Variants in GDAP1 observed in about 807,000 individuals in gnomAD.
GDAP1 encodes ganglioside-induced differentiation-associated protein 1.
Under a neutral mutation model 40.1 loss-of-function variants are expected in GDAP1, and 34 were observed. The observed-to-expected ratio is 0.85, with a 90% CI of 0.64 to 1.13. GDAP1 has a LOEUF of 1.13. GDAP1 is among the 50% of genes most tolerant of loss of function. GDAP1 has a pLI of 0.00. For missense variants in GDAP1, 374 were observed against 433.7 expected (o/e 0.86, Z 1.22); for synonymous variants, 170 against 157.4 (o/e 1.08, Z -0.60).
intron 2 of GDAP1, among the ~76,000 whole-genome samples, chr8:74,469,522 G>T (rs1806517514): frequency 6.6e-6 from 1 of 151,866 alleles, no homozygotes; most frequent in Non-Finnish European, 1.5e-5. Flanking sequence ...CAAAAAATTA[G>T]CCGGGCGCGG....
intron 2 of GDAP1, among the ~76,000 whole-genome samples, chr8:74,356,682 G>T (rs1217844675): frequency 1.4e-5 from 2 of 138,548 alleles, no homozygotes; most frequent in East Asian, 2.0e-4. Context: ...GTGTGTGTGT[G>T]TGTGTGTGTT....
At chr8:74,468,144 A>T (rs1027325243) in intron 2 of GDAP1, among the ~76,000 whole-genome samples, 2 of 151,998 alleles carry the variant, frequency 1.3e-5, no homozygotes, top group African/African-American at 4.8e-5. Context: ...ATTTACATAC[A>T]AGCACCATAC....
chr8:74,365,238 G>A lies in GDAP1; in HGVS notation c.*871G>A. On this transcript the variant is annotated 3_prime_UTR_variant, in exon 6 of 6. Coordinates refer to ENST00000220822, the MANE Select transcript of GDAP1 (RefSeq NM_018972.4). ...TGTTCATTCTTCGTTTGGGGAGGCT[G>A]GTCTGTAAACACAAAAATTGTTGTC... is the stretch of plus-strand genomic sequence containing the variant. The A allele has an allele frequency of 2.2e-6, 1 of 453,992 alleles. No individual in the cohort carries two copies. The highest frequency in any genetic ancestry group is 2.0e-5 in the African/African-American group (1 of 50,072). 28.1% of individuals were successfully genotyped at this position (453,992 alleles called of 1,614,324 possible).
intron 2 of GDAP1, among the ~76,000 whole-genome samples, chr8:74,382,356 A>G (rs1809966924): frequency 1.4e-5 from 2 of 142,596 alleles, no homozygotes; most frequent in African/African-American, 5.2e-5. Flanking sequence ...AAATTATAGG[A>G]AGTTTCCTCA....
At position 74,365,566 on chromosome 8, in the gene GDAP1, C is replaced by A. The variant is rs191835771; in HGVS notation, c.*1199C>A. On this transcript the variant is annotated 3_prime_UTR_variant, in exon 6 of 6. Coordinates refer to ENST00000220822, the MANE Select transcript of GDAP1 (RefSeq NM_018972.4). ...GCCATGAAGGCCTTAGAAGCCATTT[C>A]TGGTGTCTGGTGGGTAGCAGGCATA... 5.7e-5 allele frequency: 26 copies of A among 454,372 alleles called. No homozygotes were observed. Among genetic ancestry groups the A allele is most frequent in the Middle Eastern group, 1.4e-3 (2 of 1,444 alleles). 28.1% of individuals were successfully genotyped at this position (454,372 alleles called of 1,614,324 possible).
intron 2 of GDAP1, among the ~76,000 whole-genome samples, chr8:74,410,666 A>G (rs1000706005): frequency 6.7e-6 from 1 of 150,214 alleles, no homozygotes; most frequent in Non-Finnish European, 1.5e-5. Context: ...AGTCAAAAGT[A>G]AGAGCAGGAG....
chr8:74,354,531 T>C (rs1809015710), intron 2 of GDAP1, among the ~76,000 whole-genome samples: 2 of 152,184 alleles, frequency 1.3e-5, no homozygotes, highest in Admixed American at 6.5e-5. Flanking sequence ...ATATTTCTTA[T>C]GGAAATACAA....
At chr8:74,445,847 T>G (rs1304150332) in intron 2 of GDAP1, among the ~76,000 whole-genome samples, 2 of 152,186 alleles carry the variant, frequency 1.3e-5, no homozygotes, top group Non-Finnish European at 2.9e-5. Flanking sequence ...AGACATCAAA[T>G]CAGACGCAAT....
At chr8:74,481,237 T>TA (rs142183163) in intron 2 of GDAP1, among the ~76,000 whole-genome samples, 2,881 of 152,280 alleles carry the variant, frequency 0.019, 84 homozygotes, top group African/African-American at 0.065. Flanking sequence ...ATTTGGACGC[T>TA]AGTAAAAATA....
At chr8:74,389,548 G>A (rs1224308707) in intron 2 of GDAP1, among the ~76,000 whole-genome samples, 2 of 152,182 alleles carry the variant, frequency 1.3e-5, no homozygotes, top group East Asian at 3.8e-4. Context: ...GACATCTGCT[G>A]TTAGTCTGAT....
intron 2 of GDAP1, among the ~76,000 whole-genome samples, chr8:74,358,316 G>A (rs1353269849): frequency 6.6e-6 from 1 of 152,246 alleles, no homozygotes; most frequent in Non-Finnish European, 1.5e-5. Flanking sequence ...CCAGGGCCCA[G>A]TACCAGAAAG....
intron 2 of GDAP1, among the ~76,000 whole-genome samples, chr8:74,397,406 G>C (rs1204382405): frequency 2.0e-5 from 3 of 152,050 alleles, no homozygotes; most frequent in Non-Finnish European, 4.4e-5. Flanking sequence ...GTTGCTTTTG[G>C]TGTTTTAGTC....
intron 2 of GDAP1, among the ~76,000 whole-genome samples, chr8:74,439,121 T>C (rs1325788971): frequency 6.6e-6 from 1 of 152,064 alleles, no homozygotes; most frequent in African/African-American, 2.4e-5. Context: ...TCTTTTTATT[T>C]GTGGTTCTCA....
intron 2 of GDAP1, among the ~76,000 whole-genome samples, chr8:74,383,506 A>G (rs893686584): frequency 6.6e-6 from 1 of 152,212 alleles, no homozygotes; most frequent in African/African-American, 2.4e-5. Flanking sequence ...TTTAGATTTA[A>G]TAATCTGTTT....
intron 2 of GDAP1, among the ~76,000 whole-genome samples, chr8:74,474,346 A>T (rs1285869766): frequency 2.0e-5 from 3 of 152,086 alleles, no homozygotes; most frequent in Admixed American, 6.6e-5. Context: ...AGGAGTGGTG[A>T]GAGAGGGCAT....
In GDAP1 at chr8:74,428,633, A is replaced by ATTTTTTTT. The variant is rs1195348725; in HGVS notation, c.166-60024_166-60017dup. ...GGGCGTATGCCACCACACCCGGCTA[A>ATTTTTTTT]TTTTTTTTTTTTTTTTTTTTTTTTT... On this transcript the variant is annotated intron_variant, in intron 2 of 2. Coordinates refer to the GDAP1 transcript ENST00000523640. Among the ~76,000 whole-genome samples, 291 of 42,846 alleles carry ATTTTTTTT rather than the reference A, an allele frequency of 6.8e-3. 82 individuals are homozygous for ATTTTTTTT. The highest frequency in any genetic ancestry group is 0.045 in the East Asian group (45 of 1,002). 28.1% of individuals were successfully genotyped at this position (42,846 alleles called of 152,430 possible). A position where few individuals can be genotyped will look rare whatever the true frequency, so the allele number is the denominator to read the frequency against.
chr8:74,354,934 A>G (rs1809030887), intron 2 of GDAP1, among the ~76,000 whole-genome samples: 1 of 152,248 alleles, frequency 6.6e-6, no homozygotes, highest in African/African-American at 2.4e-5. Flanking sequence ...GAATGTAGTG[A>G]ACCAGTATGT....
Position 74,469,443 on chromosome 8 carries a change from C to T in GDAP1, c.166-19235C>T, listed in dbSNP as rs1586844517. 3.3e-5 allele frequency among the ~76,000 whole-genome samples: 5 copies of T among 151,870 alleles called. No individual in the cohort carries two copies. The South Asian group carries it at 1.0e-3, about 32-fold the overall frequency. ...CAGCACTTTGGGAGGCCGAGGAGGG[C>T]GGATCACGAGGTCAGGAGATGGAGA... is the stretch of plus-strand genomic sequence containing the variant. On this transcript the variant is annotated intron_variant, in intron 2 of 2. Transcript: ENST00000523640.
At position 74,360,306 on chromosome 8, in the gene GDAP1, T is replaced by A. The variant is rs1586803400; in HGVS notation, c.480T>A (p.Ile160=). The A allele has an allele frequency of 1.2e-6, 2 of 1,612,912 alleles. No individual in the cohort carries two copies. Among genetic ancestry groups the A allele is most frequent in the Non-Finnish European group, 1.7e-6 (2 of 1,178,878 alleles). Residue 160 remains isoleucine, a synonymous_variant, in exon 3 of 6, where the codon ATT becomes ATA. Coordinates refer to ENST00000220822, the MANE Select transcript of GDAP1 (RefSeq NM_018972.4). ...SMIPAYATTR[I]RSQIGNTESE... is the part of the protein sequence containing the mutation. Reference sequence around the variant, plus strand: ...TCCCGGCTTATGCAACTACAAGGATTCGTAGTATGTAAACATTTTAAAGAC... The same window carrying A: ...TCCCGGCTTATGCAACTACAAGGATACGTAGTATGTAAACATTTTAAAGAC...
Sources: gnomAD v4.1 joint callset for allele counts (sites outside exome capture counted in the v4.1 genomes callset) on GRCh38, gnomAD v4.1.1 for gene constraint, MANE v1.5 for transcripts, NCBI Gene and HGNC (gene_info 2026-07-23, HGNC 2026-07-21) for gene names.